The following TAF6L variants were observed in gnomAD, a reference collection of about 807,000 sequenced individuals.
TAF6L encodes the protein TAF6-like RNA polymerase II p300/CBP-associated factor-associated factor 65 kDa subunit 6L.
In TAF6L, 34 loss-of-function variants were observed where a neutral mutation model predicts 57.3. The ratio of observed to expected loss-of-function variants is 0.59; its 90% CI spans 0.45 to 0.79. The LOEUF is 0.79. Among genes scored for constraint, TAF6L ranks in the 30% least tolerant of loss-of-function variants. TAF6L has a pLI of 0.00. For synonymous variants in TAF6L, 417 were observed against 376.3 expected (o/e 1.11, Z -1.25); for missense variants, 782 against 853.2 (o/e 0.92, Z 1.04).
rs1412974192 is a variant in TAF6L, at chr11:62,778,334, G to A, written c.435G>A (p.Ser145=). 2.4e-5 allele frequency: 38 copies of A among 1,614,038 alleles called. No homozygotes were observed. Among genetic ancestry groups the A allele is most frequent in the Middle Eastern group, 1.6e-4 (1 of 6,084 alleles). The change falls in exon 5 of 11, where the codon TCG becomes TCA. Residue 145 remains serine (S), a splice_region_variant and synonymous_variant. Transcript: ENST00000294168. The part of the protein sequence containing the change: ...DGKGNLAPQG[S]VPSAVSSLTD... ...AAGGGAACCTGGCACCTCAAGGATC[G>A]GGTAAGGGGTGATGTAGGAAACAGG... is the stretch of plus-strand genomic sequence containing the variant.
intron 2 of TAF6L, among the ~76,000 whole-genome samples, 165 bp from the exon 3 acceptor site, chr11:62,776,219 A>AC (rs1375461851): frequency 6.6e-6 from 1 of 152,100 alleles, no homozygotes; most frequent in East Asian, 1.9e-4. Context: ...AAGATGTGAC[A>AC]CCCGGGGGGT....
At chr11:62,777,883 G>T in intron 3 of TAF6L, 95 bp from the exon 4 acceptor site, 1 of 1,418,592 alleles carries the variant, frequency 7.0e-7, no homozygotes. Flanking sequence ...CTTCAAACGT[G>T]GGCTCTCTGC....
chr11:62,780,930 C>CG lies in TAF6L; in HGVS notation c.532-964_532-963insG, dbSNP rs758929626. Among the ~76,000 whole-genome samples, 374 of 136,756 alleles carry CG rather than the reference C, an allele frequency of 2.7e-3. 1 individual carries two copies. Among genetic ancestry groups the CG allele is most frequent in the South Asian group, 5.6e-3 (24 of 4,314 alleles). The allele number at this position is 136,756 out of a possible 152,430, so 89.7% of individuals were successfully genotyped here. A position where few individuals can be genotyped will look rare whatever the true frequency, so the allele number is the denominator to read the frequency against. On this transcript the variant is annotated intron_variant, in intron 6 of 10. Coordinates refer to ENST00000294168, the MANE Select transcript of TAF6L (RefSeq NM_006473.4). ...CCAGCCTGGGCAATAGAGTGAGACTCCATCTCAAAAAAAAAAAAAAAAGGG... is the reference window on the plus strand; with the variant it reads ...CCAGCCTGGGCAATAGAGTGAGACTCGCATCTCAAAAAAAAAAAAAAAAGGG...
At chr11:62,782,521 T>A in intron 8 of TAF6L, 172 bp from the exon 9 acceptor site, 2 of 1,072,660 alleles carry the variant, frequency 1.9e-6, no homozygotes, top group Non-Finnish European at 2.7e-6. Flanking sequence ...TACGCCAAGG[T>A]ATTGGTTCTT....
At chr11:62,785,472 G>T (rs947119224) in intron 9 of TAF6L, among the ~76,000 whole-genome samples, 1 of 151,708 alleles carries the variant, frequency 6.6e-6, no homozygotes, top group Non-Finnish European at 1.5e-5. Flanking sequence ...GATTACAGGC[G>T]TGAGCCACAG....
At chr11:62,782,563 G>A (rs2084238236) in intron 8 of TAF6L, 130 bp from the exon 9 acceptor site, 1 of 1,368,668 alleles carries the variant, frequency 7.3e-7, no homozygotes, top group Non-Finnish European at 1.0e-6. Context: ...GTCACCCCTG[G>A]CAGCCTTCTT....
chr11:62,778,733 C>G, intron 5 of TAF6L, 136 bp from the exon 6 acceptor site: 2 of 764,204 alleles, frequency 2.6e-6, no homozygotes, highest in Admixed American at 2.0e-5. Flanking sequence ...TAAGAGCAGT[C>G]TCTTGCCCTG....
intron 1 of TAF6L, chr11:62,771,975 T>A: frequency 2.6e-6 from 1 of 389,376 alleles, no homozygotes; most frequent in Admixed American, 3.1e-5. Flanking sequence ...GATCCAGGCC[T>A]TGTTCCCCAT....
At position 62,778,301 on chromosome 11, in the gene TAF6L, G is replaced by A. The variant is rs767966400; in HGVS notation, c.402G>A (p.Leu134=). ...ETAVRVHVSY[L]DGKGNLAPQG... ...TGCTTCTAGTTCATGTCTCCTACCT[G>A]GATGGCAAAGGGAACCTGGCACCTC... Residue 134 remains leucine, a synonymous_variant, in exon 5 of 11, where the codon CTG becomes CTA. Coordinates refer to ENST00000294168, the MANE Select transcript of TAF6L (RefSeq NM_006473.4). 16 of 1,614,174 alleles carry A rather than the reference G, an allele frequency of 9.9e-6. 1 individual carries two copies. In the Admixed American group the frequency reaches 1.0e-4, roughly 10 times the overall value.
At chr11:62,785,675 C>A (rs1284703961) in intron 9 of TAF6L, among the ~76,000 whole-genome samples, 10 of 152,042 alleles carry the variant, frequency 6.6e-5, no homozygotes, top group African/African-American at 2.4e-4. Context: ...GTTGAGATTA[C>A]AGGCAACTGC....
intron 1 of TAF6L, among the ~76,000 whole-genome samples, chr11:62,773,138 G>T (rs1374302634): frequency 1.4e-5 from 2 of 146,264 alleles, no homozygotes; most frequent in African/African-American, 2.5e-5. Context: ...ACCATGCCTG[G>T]CCTATAATTA....
intron 9 of TAF6L, 155 bp from the exon 10 acceptor site, chr11:62,786,096 GTAGGTTCCA>G: frequency 1.2e-6 from 1 of 828,098 alleles, no homozygotes; most frequent in Non-Finnish European, 1.9e-6. Flanking sequence ...TAGGTATACA[GTAGGTTCCA>G]AATAAATATA....
Position 62,778,056 on chromosome 11 carries a change from C to G in TAF6L, c.313C>G (p.Arg105Gly). ...GGGTGAACTCTACTTTCCTGAGGAT[C>G]GAGAGGTGAACCTGGTGGAGCTGGC... ...REGELYFPED[R>G]EVNLVELALA... The change falls in exon 4 of 11, where the codon CGA (arginine) becomes GGA (glycine). Residue 105 changes from arginine (R) to glycine (G), a missense_variant. Transcript: ENST00000294168. The G allele has an allele frequency of 6.2e-7, 1 of 1,614,094 alleles. No homozygotes were observed. The highest frequency in any genetic ancestry group is 2.2e-5 in the East Asian group (1 of 44,870).
intron 6 of TAF6L, among the ~76,000 whole-genome samples, chr11:62,779,977 T>TATA (rs1491411798): frequency 2.2e-4 from 9 of 40,128 alleles, no homozygotes; most frequent in South Asian, 2.0e-3. Flanking sequence ...TATATATATA[T>TATA]TTTTTTTTTT....
chr11:62,780,484 C>T (rs1000011074), intron 6 of TAF6L, among the ~76,000 whole-genome samples: 25 of 151,888 alleles, frequency 1.6e-4, no homozygotes, highest in Admixed American at 1.2e-3. Context: ...GCACTCCAGC[C>T]TGGGCAACAA....
chr11:62,772,250 G>T, intron 1 of TAF6L: 1 of 407,074 alleles, frequency 2.5e-6, no homozygotes. Flanking sequence ...GGCCGGGCGC[G>T]GTGGCTCACG....
chr11:62,777,767 C>T (rs2084197693), intron 3 of TAF6L, among the ~76,000 whole-genome samples: 1 of 152,160 alleles, frequency 6.6e-6, no homozygotes, highest in African/African-American at 2.4e-5. Flanking sequence ...GAGGAGCGAC[C>T]ATGTTCTTTC....
intron 9 of TAF6L, among the ~76,000 whole-genome samples, chr11:62,784,539 C>G (rs1262696423): frequency 6.6e-6 from 1 of 152,030 alleles, no homozygotes; most frequent in Non-Finnish European, 1.5e-5. Context: ...ATCTCCTGGC[C>G]TCATGATCCG....
intron 6 of TAF6L, among the ~76,000 whole-genome samples, chr11:62,779,976 A>ATATATTTTTTTT (rs1294367864): frequency 1.9e-5 from 1 of 52,632 alleles, no homozygotes; most frequent in Non-Finnish European, 3.6e-5. Flanking sequence ...ATATATATAT[A>ATATATTTTTTTT]TTTTTTTTTT....
Sources: gnomAD v4.1 joint callset for allele counts (sites outside exome capture counted in the v4.1 genomes callset) on GRCh38, gnomAD v4.1.1 for gene constraint, MANE v1.5 for transcripts, NCBI Gene and HGNC (gene_info 2026-07-23, HGNC 2026-07-21) for gene names.